DOCK2: variants seen among roughly 807,000 people sequenced by gnomAD.
DOCK2 encodes the protein dedicator of cytokinesis protein 2.
Under a neutral mutation model 248.9 loss-of-function variants are expected in DOCK2, and 87 were observed. The observed-to-expected ratio is 0.35, with a 90% CI of 0.29 to 0.42. The LOEUF is 0.42. Ranked by LOEUF, DOCK2 falls within the 10% of genes least tolerant of loss-of-function variation. The pLI is 1.00. For missense variants in DOCK2, 1,747 were observed against 2,300.2 expected, an observed-to-expected ratio of 0.76 and a Z score of 4.92; for synonymous variants, 805 against 821.6, an observed-to-expected ratio of 0.98 and a Z score of 0.35.
In DOCK2 at chr5:169,982,220, C is replaced by T. The variant is rs145150807; in HGVS notation, c.2800-848C>T. 2.2e-4 allele frequency among the ~76,000 whole-genome samples: 33 copies of T among 152,232 alleles called. No individual in the cohort carries two copies. In the East Asian group the frequency reaches 5.4e-3, roughly 25 times the overall value. On this transcript the variant is annotated intron_variant, in intron 27 of 51. Coordinates refer to ENST00000520908, the MANE Select transcript of DOCK2 (RefSeq NM_004946.3). ...AGACAGTCAAAAATGACTTCTCACC[C>T]CTGGTGGATTCGTGGCTAGTGCTTT...
chr5:169,959,364 G>C (rs191666180), intron 27 of DOCK2, among the ~76,000 whole-genome samples: 1 of 149,802 alleles, frequency 6.7e-6, no homozygotes, highest in African/African-American at 2.5e-5. Flanking sequence ...GAGAGACTCC[G>C]TCTCAAAAGA....
Position 170,059,246 on chromosome 5 carries a change from T to G in DOCK2, c.4467+1580T>G, listed in dbSNP as rs182591225. Reference sequence around the variant, plus strand: ...GTCTGTGCCCTTGCTTCATGGCACATAAGTTTCAACAAGTGCCCCAGGTGC... The same window carrying G: ...GTCTGTGCCCTTGCTTCATGGCACAGAAGTTTCAACAAGTGCCCCAGGTGC... On this transcript the variant is annotated intron_variant, in intron 44 of 51. Coordinates refer to ENST00000520908, the MANE Select transcript of DOCK2 (RefSeq NM_004946.3). Among the ~76,000 whole-genome samples the G allele has an allele frequency of 9.0e-5, 12 of 133,654 alleles. No homozygotes were observed. In the South Asian group the frequency reaches 3.1e-3, roughly 35 times the overall value. The allele number at this position is 133,654 out of a possible 152,430, so 87.7% of individuals were successfully genotyped here. A position where few individuals can be genotyped will look rare whatever the true frequency, so the allele number is the denominator to read the frequency against.
chr5:169,798,051 G>A (rs1220231162), intron 25 of DOCK2, among the ~76,000 whole-genome samples: 2 of 152,132 alleles, frequency 1.3e-5, no homozygotes, highest in Admixed American at 1.3e-4. Flanking sequence ...CCATCTTATG[G>A]GGATGCTGGT....
chr5:169,879,058 T>C (rs921590778), intron 27 of DOCK2, among the ~76,000 whole-genome samples: 1 of 152,134 alleles, frequency 6.6e-6, no homozygotes, highest in Admixed American at 6.5e-5. Flanking sequence ...CCACATGTCT[T>C]GATAAGAGCA....
intron 22 of DOCK2, among the ~76,000 whole-genome samples, chr5:169,734,713 G>A (rs1762947905): frequency 6.6e-6 from 1 of 152,162 alleles, no homozygotes; most frequent in Non-Finnish European, 1.5e-5. Context: ...GAAGACCAGG[G>A]CATTTCCTTC....
At chr5:169,860,318 G>A (rs191196504) in intron 27 of DOCK2, among the ~76,000 whole-genome samples, 27 of 151,986 alleles carry the variant, frequency 1.8e-4, no homozygotes, top group Non-Finnish European at 3.7e-4. Flanking sequence ...GCAGCTTCAC[G>A]GAGGTATCTT....
At chr5:169,930,160 T>G (rs1020684250) in intron 27 of DOCK2, among the ~76,000 whole-genome samples, 9 of 152,062 alleles carry the variant, frequency 5.9e-5, no homozygotes, top group African/African-American at 2.2e-4. Flanking sequence ...CCAGCTAATT[T>G]TTTGCATTTT....
At chr5:169,664,520 T>C (rs990823961) in intron 2 of DOCK2, among the ~76,000 whole-genome samples, 2 of 152,218 alleles carry the variant, frequency 1.3e-5, no homozygotes, top group Admixed American at 6.5e-5. Flanking sequence ...TACCCGAGAC[T>C]GGGTAATTTA....
At chr5:169,669,364 G>A (rs765912319) in intron 3 of DOCK2, 36 bp downstream of exon 3, 1 of 1,613,056 alleles carries the variant, frequency 6.2e-7, no homozygotes, top group Non-Finnish European at 8.5e-7. Flanking sequence ...GTCAGTACTG[G>A]AGGTCTTCAT....
At position 170,075,995 on chromosome 5, in the gene DOCK2, G is replaced by A. The variant is rs769142481; in HGVS notation, c.4777G>A (p.Asp1593Asn). 6.2e-7 allele frequency: 1 copy of A among 1,614,080 alleles called. No homozygotes were observed. Among genetic ancestry groups the A allele is most frequent in the Non-Finnish European group, 8.5e-7 (1 of 1,179,962 alleles). ...GIKIHEKRVS[D>N]NLRPFHDRME... ...TAAGATCCATGAGAAAAGGGTGTCA[G>A]ATAACTTGCGACCCTTCCATGACCG... Residue 1593 changes from aspartate to asparagine, a missense_variant, in exon 47 of 52, where the codon GAT becomes AAT. Physicochemically the swap from Asp to Asn is conservative, Grantham distance 23. This residue lies in a region of DOCK2 where 513 missense variants were observed against 586.1 expected (regional missense o/e 0.88). Coordinates refer to ENST00000520908, the MANE Select transcript of DOCK2 (RefSeq NM_004946.3).
intron 27 of DOCK2, among the ~76,000 whole-genome samples, chr5:169,852,333 T>C: frequency 6.6e-6 from 1 of 152,216 alleles, no homozygotes; most frequent in East Asian, 1.9e-4. Context: ...GGGCCAGCTT[T>C]TTCTTGTCCT....
intron 22 of DOCK2, among the ~76,000 whole-genome samples, chr5:169,731,185 T>A (rs1201934514): frequency 6.6e-6 from 1 of 152,168 alleles, no homozygotes; most frequent in Non-Finnish European, 1.5e-5. Context: ...TTCTCAATGC[T>A]GTGTTAATGT....
chr5:169,696,519 T>C (rs932270722), intron 10 of DOCK2, among the ~76,000 whole-genome samples: 1 of 152,246 alleles, frequency 6.6e-6, no homozygotes, highest in Non-Finnish European at 1.5e-5. Context: ...CTACCACTTG[T>C]ACTGTTATTT....
chr5:169,701,539 G>T (rs564290819), intron 13 of DOCK2, among the ~76,000 whole-genome samples: 4 of 151,048 alleles, frequency 2.6e-5, no homozygotes, highest in African/African-American at 9.7e-5. Flanking sequence ...ATGGGGTTTA[G>T]CTCTGTTACT....
intron 27 of DOCK2, among the ~76,000 whole-genome samples, chr5:169,973,190 C>A (rs74891927): frequency 0.018 from 2,773 of 152,286 alleles, 83 homozygotes; most frequent in African/African-American, 0.061. Flanking sequence ...ATTTATCTGC[C>A]TGCCCCCTCC....
chr5:170,005,403 AT>A (rs1407038921), intron 30 of DOCK2, among the ~76,000 whole-genome samples: 1 of 152,168 alleles, frequency 6.6e-6, no homozygotes, highest in Admixed American at 6.5e-5. Context: ...GCAAGACAGG[AT>A]TTGGGTACTT....
intron 36 of DOCK2, among the ~76,000 whole-genome samples, chr5:170,039,752 G>A (rs1486501870): frequency 3.3e-5 from 5 of 152,222 alleles, no homozygotes; most frequent in African/African-American, 1.2e-4. Context: ...AGAGCATTGA[G>A]ACACGCATTG....
chr5:169,655,737 T>C (rs1758074604), intron 2 of DOCK2, among the ~76,000 whole-genome samples: 1 of 152,166 alleles, frequency 6.6e-6, no homozygotes. Flanking sequence ...TGTACATATA[T>C]ACACATATGC....
intron 22 of DOCK2, among the ~76,000 whole-genome samples, chr5:169,721,310 C>A (rs1762190963): frequency 6.6e-6 from 1 of 152,238 alleles, no homozygotes. Context: ...CAAGCCTAAT[C>A]TTGAATCCTT....
Sources: gnomAD v4.1 joint callset for allele counts (sites outside exome capture counted in the v4.1 genomes callset) on GRCh38, gnomAD v4.1.1 for gene constraint, gnomAD v4.1.1 regional missense constraint, MANE v1.5 for transcripts, NCBI Gene and HGNC (gene_info 2026-07-23, HGNC 2026-07-21) for gene names.